The following TTC6 variants were observed in gnomAD, a reference collection of about 807,000 sequenced individuals.
The protein encoded by TTC6 is tetratricopeptide repeat domain 6, also known as tetratricopeptide repeat protein 6.
TTC6 carries 172 observed loss-of-function variants against 210.4 expected under a neutral mutation model. The observed-to-expected ratio is 0.82, with a 90% CI of 0.72 to 0.93. TTC6 has a LOEUF of 0.93. TTC6 is among the 40% of genes least tolerant of loss of function. TTC6 has a pLI of 0.00. For synonymous variants in TTC6, 804 were observed against 819.6 expected (o/e 0.98, Z 0.32); for missense variants, 2,414 against 2,318.1 (o/e 1.04, Z -0.85).
chr14:37,665,820 C>T (rs945106927), intron 1 of TTC6, among the ~76,000 whole-genome samples: 1 of 150,316 alleles, frequency 6.7e-6, no homozygotes, highest in Admixed American at 6.6e-5. Context: ...AGACCAGAAT[C>T]ACACTCTTTG....
At chr14:37,738,712 A>G in intron 9 of TTC6, 64 bp from the exon 12 acceptor site, 1 of 1,293,724 alleles carries the variant, frequency 7.7e-7, no homozygotes, top group Non-Finnish European at 1.0e-6. Flanking sequence ...GAATTAATTA[A>G]TTTTGAATGC....
chr14:37,774,522 A>T (rs1020572410), intron 14 of TTC6, among the ~76,000 whole-genome samples: 1 of 152,110 alleles, frequency 6.6e-6, no homozygotes, highest in Non-Finnish European at 1.5e-5. Flanking sequence ...AGCTCTGTTT[A>T]TGTGATGAAT....
chr14:37,739,208 C>G, intron 10 of TTC6, 53 bp downstream of exon 12: 1 of 1,408,038 alleles, frequency 7.1e-7, no homozygotes, highest in South Asian at 1.5e-5. Context: ...TGGTTTTGAC[C>G]TTAATTTTAT....
intron 14 of TTC6, among the ~76,000 whole-genome samples, chr14:37,762,564 G>A (rs556606854): frequency 6.6e-6 from 1 of 152,218 alleles, no homozygotes; most frequent in South Asian, 2.1e-4. Flanking sequence ...ATGATGTTGA[G>A]CATTTTTTCA....
intron 3 of TTC6, among the ~76,000 whole-genome samples, chr14:37,691,186 C>G (rs540717107): frequency 2.0e-5 from 3 of 152,056 alleles, no homozygotes; most frequent in African/African-American, 7.2e-5. Context: ...AAAAATTAGC[C>G]AGGTGTGCTG....
At chr14:37,612,111 A>G (rs137862690) in intron 2 of TTC6, among the ~76,000 whole-genome samples, 231 of 152,348 alleles carry the variant, frequency 1.5e-3, no homozygotes, top group African/African-American at 5.4e-3. Context: ...TACAATGTAC[A>G]AGGTACAGGC....
chr14:37,716,947 A>C (rs1301836664), intron 6 of TTC6, among the ~76,000 whole-genome samples: 1 of 152,114 alleles, frequency 6.6e-6, no homozygotes, highest in Non-Finnish European at 1.5e-5. Context: ...AGATAACAAA[A>C]ATCTCCAAAC....
chr14:37,702,718 T>C (rs1274798916), intron 5 of TTC6, among the ~76,000 whole-genome samples: 1 of 152,310 alleles, frequency 6.6e-6, no homozygotes, highest in East Asian at 1.9e-4. Context: ...AGATTATTAG[T>C]ACCCATACTT....
At chr14:37,830,750 A>ATT (rs61409617) in intron 29 of TTC6, among the ~76,000 whole-genome samples, 3 of 151,346 alleles carry the variant, frequency 2.0e-5, no homozygotes, top group South Asian at 2.1e-4. Context: ...TCTAAAATAG[A>ATT]TTTTTTTAAA....
Position 37,614,873 on chromosome 14 carries a change from C to A in TTC6, c.-154-7177C>A, listed in dbSNP as rs146597781. Among the ~76,000 whole-genome samples the A allele has an allele frequency of 1.6e-3, 246 of 152,176 alleles. 3 individuals are homozygous for A. Among genetic ancestry groups the A allele is most frequent in the African/African-American group, 5.6e-3 (233 of 41,516 alleles). On this transcript the variant is annotated intron_variant, in intron 2 of 2. Transcript: ENST00000556845. Reference sequence around the variant, plus strand: ...GAAGTTCTCTTGCTTCAGCCTCCCACGTAACTGGGATTACAGCTGCCCAGC... The same window carrying A: ...GAAGTTCTCTTGCTTCAGCCTCCCAAGTAACTGGGATTACAGCTGCCCAGC...
chr14:37,677,592 G>A (rs1265208591), intron 1 of TTC6, among the ~76,000 whole-genome samples: 1 of 151,998 alleles, frequency 6.6e-6, no homozygotes, highest in African/African-American at 2.4e-5. Context: ...AACTTAGGGG[G>A]TTTGTAGCTG....
At chr14:37,741,708 A>G (rs1020766687) in intron 10 of TTC6, among the ~76,000 whole-genome samples, 3 of 152,184 alleles carry the variant, frequency 2.0e-5, no homozygotes, top group Non-Finnish European at 4.4e-5. Flanking sequence ...GGTGGGAAGC[A>G]GACTGCGTAT....
chr14:37,664,079 A>T lies in TTC6; in HGVS notation c.940-16072A>T, dbSNP rs535296606. On this transcript the variant is annotated intron_variant, in intron 1 of 30. Transcript: ENST00000553443. ...TATTGTGAAAATGGCCATACTGCCC[A>T]AAGTAATTTATAGATTTAATGCTAT... 2.0e-5 allele frequency among the ~76,000 whole-genome samples: 3 copies of T among 150,722 alleles called. 1 individual carries two copies. Among genetic ancestry groups the T allele is most frequent in the Non-Finnish European group, 4.5e-5 (3 of 67,166 alleles).
intron 29 of TTC6, among the ~76,000 whole-genome samples, chr14:37,836,178 A>G (rs1165637314): frequency 6.6e-6 from 1 of 152,194 alleles, no homozygotes; most frequent in Non-Finnish European, 1.5e-5. Context: ...AGTCACTTGA[A>G]TAGAAATGTC....
At chr14:37,703,065 A>C (rs944047109) in intron 5 of TTC6, among the ~76,000 whole-genome samples, 1 of 152,098 alleles carries the variant, frequency 6.6e-6, no homozygotes, top group South Asian at 2.1e-4. Context: ...GTTCAGCATG[A>C]CATTCTTTGG....
intron 20 of TTC6, among the ~76,000 whole-genome samples, chr14:37,799,208 C>A (rs1465467633): frequency 6.6e-6 from 1 of 152,066 alleles, no homozygotes; most frequent in African/African-American, 2.4e-5. Context: ...CCTATTTTTT[C>A]TCCCTGGGCA....
chr14:37,646,160 G>A (rs1348161144), intron 1 of TTC6, among the ~76,000 whole-genome samples: 2 of 152,144 alleles, frequency 1.3e-5, no homozygotes, highest in Non-Finnish European at 2.9e-5. Flanking sequence ...AGCAGACCAG[G>A]CGTATGTGTA....
chr14:37,771,669 A>G (rs2139186668), intron 14 of TTC6, among the ~76,000 whole-genome samples: 1 of 152,100 alleles, frequency 6.6e-6, no homozygotes, highest in South Asian at 2.1e-4. Context: ...TCCTTTAAGC[A>G]CTTCTCTGTA....
At chr14:37,609,626 A>T (rs2095630967) in intron 2 of TTC6, among the ~76,000 whole-genome samples, 1 of 152,194 alleles carries the variant, frequency 6.6e-6, no homozygotes, top group Non-Finnish European at 1.5e-5. Context: ...GATTACATAA[A>T]GTATTAATGA....
Sources: allele counts gnomAD v4.1 joint callset (sites outside exome capture counted in the v4.1 genomes callset), GRCh38; gene constraint gnomAD v4.1.1; transcripts MANE v1.5; gene names NCBI Gene and HGNC (gene_info 2026-07-23, HGNC 2026-07-21).